ANKHD1: variants seen among roughly 807,000 people sequenced by gnomAD.
The protein encoded by ANKHD1 is ankyrin repeat and KH domain-containing protein 1.
A neutral mutation model predicts 230.5 loss-of-function variants in ANKHD1; 31 were observed. The ratio of observed to expected loss-of-function variants is 0.13; its 90% confidence interval spans 0.10 to 0.18. The LOEUF is 0.18. Among genes scored for constraint, ANKHD1 ranks in the 10% least tolerant of loss-of-function variants. ANKHD1 has a pLI of 1.00. For synonymous variants in ANKHD1, 1,074 were observed against 1,117.6 expected (o/e 0.96, Z 0.78); for missense variants, 2,256 against 3,071.3 (o/e 0.73, Z 6.27).
chr5:140,402,967 T>C (rs1770098420), intron 1 of ANKHD1, among the ~76,000 whole-genome samples: 2 of 131,278 alleles, frequency 1.5e-5, no homozygotes, highest in Non-Finnish European at 3.2e-5. Context: ...ACCTCTTCTT[T>C]TTTTTTTTTT....
chr5:140,402,397 A>G, intron 1 of ANKHD1, 124 bp downstream of exon 1: 5 of 1,316,966 alleles, frequency 3.8e-6, no homozygotes, highest in Non-Finnish European at 2.9e-6. Context: ...GGTCGGCTCC[A>G]TGGCGGCGGT....
At chr5:140,457,528 A>C (rs1362577194) in intron 7 of ANKHD1, among the ~76,000 whole-genome samples, 2 of 152,224 alleles carry the variant, frequency 1.3e-5, no homozygotes, top group Non-Finnish European at 2.9e-5. Context: ...GCAGCCATAA[A>C]AAAGGATGAG....
At chr5:140,464,241 A>AC (rs1273592050) in intron 9 of ANKHD1, among the ~76,000 whole-genome samples, 4 of 152,124 alleles carry the variant, frequency 2.6e-5, no homozygotes, top group African/African-American at 9.6e-5. Context: ...AAAAAAAAAA[A>AC]AAAAAACTTA....
At chr5:140,472,473 T>C in intron 10 of ANKHD1, 25 of 1,325,606 alleles carry the variant, frequency 1.9e-5, no homozygotes, top group Non-Finnish European at 2.3e-5. Context: ...TTTGTATTGC[T>C]GGTAGTTTGT....
chr5:140,477,332 C>T (rs1305217859), intron 10 of ANKHD1, among the ~76,000 whole-genome samples: 1 of 152,136 alleles, frequency 6.6e-6, no homozygotes, highest in Non-Finnish European at 1.5e-5. Flanking sequence ...ACACACTTCT[C>T]AATGAAACTG....
rs1467502118 is a variant in ANKHD1 at position 140,539,439 on chromosome 5, T to C, written c.*21T>C. 1 of 1,606,922 alleles carries C rather than the reference T, an allele frequency of 6.2e-7. No individual in the cohort carries two copies. Among genetic ancestry groups the C allele is most frequent in the Non-Finnish European group, 8.5e-7 (1 of 1,176,866 alleles). ...ACTAAGTTAGAAGGTCTTTACTCTT[T>C]AGCCTTGTTTAAGAAACCTATGACC... On this transcript the variant is annotated 3_prime_UTR_variant, in exon 34 of 34. Transcript: ENST00000360839.
chr5:140,451,852 A>C (rs527609975), intron 7 of ANKHD1, among the ~76,000 whole-genome samples: 6 of 152,006 alleles, frequency 3.9e-5, no homozygotes, highest in African/African-American at 1.2e-4. Context: ...TTTTCTACTC[A>C]GTATTTATTT....
At chr5:140,513,612 C>T (rs952415606) in intron 24 of ANKHD1, 133 bp downstream of exon 24, 3 of 785,724 alleles carry the variant, frequency 3.8e-6, no homozygotes, top group Non-Finnish European at 5.7e-6. Flanking sequence ...AGTTCAAGAC[C>T]AGCCTTGCTA....
At position 140,441,075 on chromosome 5, in the gene ANKHD1, A is replaced by T; in HGVS notation, c.846A>T (p.Gly282=). 5 of 1,611,556 alleles carry T rather than the reference A, an allele frequency of 3.1e-6. No homozygotes were observed. Among genetic ancestry groups the T allele is most frequent in the Non-Finnish European group, 3.4e-6 (4 of 1,179,092 alleles). ...CTCCCCTGATGGCAGCTTCCAGTGG[A>T]GGTTACTTAGATATTGTGAAATTAT... ...DITPLMAASS[G]GYLDIVKLLL... is the part of the protein sequence containing the mutation. Residue 282 remains glycine (G), a synonymous_variant, in exon 5 of 34, where the codon GGA becomes GGT. Transcript: ENST00000360839.
intron 15 of ANKHD1, among the ~76,000 whole-genome samples, chr5:140,500,522 C>T (rs1234485193): frequency 6.6e-6 from 1 of 151,782 alleles, no homozygotes; most frequent in Non-Finnish European, 1.5e-5. Flanking sequence ...GTGGTGCATG[C>T]CTGTAATCCC....
At chr5:140,466,259 C>T (rs1395335354) in intron 10 of ANKHD1, among the ~76,000 whole-genome samples, 2 of 152,054 alleles carry the variant, frequency 1.3e-5, no homozygotes, top group African/African-American at 4.8e-5. Context: ...GGTGTGGTGG[C>T]ACATGCCTGT....
At chr5:140,496,465 T>C (rs1304724068) in intron 14 of ANKHD1, 55 bp from the exon 15 acceptor site, 164 of 980,876 alleles carry the variant, frequency 1.7e-4, no homozygotes, top group Non-Finnish European at 1.7e-4. Flanking sequence ...TCTTTTCTTT[T>C]TTTTTTTTTT....
intron 18 of ANKHD1, 107 bp downstream of exon 18, chr5:140,505,976 G>A: frequency 6.7e-7 from 1 of 1,489,572 alleles, no homozygotes; most frequent in Non-Finnish European, 8.9e-7. Context: ...TATTTTGTGT[G>A]TTTGTTTTTC....
At chr5:140,441,207 A>G in intron 5 of ANKHD1, 65 bp downstream of exon 5, 3 of 1,412,236 alleles carry the variant, frequency 2.1e-6, no homozygotes, top group South Asian at 3.4e-5. Flanking sequence ...GAGAGAGAGA[A>G]AAATTAGATT....
intron 1 of ANKHD1, among the ~76,000 whole-genome samples, chr5:140,428,152 C>T (rs1274710643): frequency 2.0e-5 from 3 of 149,102 alleles, no homozygotes; most frequent in Non-Finnish European, 1.5e-5. Context: ...ACTTTCCAGA[C>T]TGGGCAGCCA....
Position 140,539,573 on chromosome 5 carries a change from C to T in ANKHD1, c.*155C>T. ...GTATAAGAACAAATTGATTTCCTAT[C>T]CACCTGATTATGTTCTCTGGTTAGT... On this transcript the variant is annotated 3_prime_UTR_variant, in exon 34 of 34. Coordinates refer to ENST00000360839, the MANE Select transcript of ANKHD1 (RefSeq NM_017747.3). The T allele has an allele frequency of 1.2e-6, 1 of 810,804 alleles. No individual in the cohort carries two copies. The highest frequency in any genetic ancestry group is 1.9e-6 in the Non-Finnish European group (1 of 532,234). 50.2% of individuals were successfully genotyped at this position (810,804 alleles called of 1,614,324 possible).
At chr5:140,421,843 T>G (rs1477068929) in intron 1 of ANKHD1, among the ~76,000 whole-genome samples, 1 of 152,206 alleles carries the variant, frequency 6.6e-6, no homozygotes, top group Non-Finnish European at 1.5e-5. Flanking sequence ...TCTTTTAGTT[T>G]GAAGAGACCA....
chr5:140,417,803 G>T (rs910413681), intron 1 of ANKHD1, among the ~76,000 whole-genome samples: 5 of 146,070 alleles, frequency 3.4e-5, no homozygotes. Flanking sequence ...AAAGTTGTAA[G>T]AATAGTACAA....
At chr5:140,529,950 A>G (rs1753740923) in intron 29 of ANKHD1, among the ~76,000 whole-genome samples, 154 bp downstream of exon 29, 2 of 152,234 alleles carry the variant, frequency 1.3e-5, no homozygotes, top group South Asian at 4.1e-4. Context: ...ATAGTAAGGA[A>G]GTTATACCAT....
Sources: gnomAD v4.1 joint callset for allele counts (sites outside exome capture counted in the v4.1 genomes callset) on GRCh38, gnomAD v4.1.1 for gene constraint, MANE v1.5 for transcripts, NCBI Gene and HGNC (gene_info 2026-07-23, HGNC 2026-07-21) for gene names.